The following DNAH8 variants were observed in gnomAD, a reference collection of about 807,000 sequenced individuals.
DNAH8 encodes the protein dynein axonemal heavy chain 8, also known as axonemal beta dynein heavy chain 8.
A neutral mutation model predicts 562.1 loss-of-function variants in DNAH8; 382 were observed. That is an observed-to-expected ratio of 0.68 (90% CI 0.63 to 0.74). The LOEUF (loss-of-function observed/expected upper bound fraction) is 0.74, where lower values mean the gene tolerates loss of function less well. Ranked by LOEUF, DNAH8 falls within the 30% of genes least tolerant of loss-of-function variation. The pLI, the probability that DNAH8 is intolerant of heterozygous loss-of-function variation, is 0.00. For synonymous variants in DNAH8, 1,881 were observed against 1,919.4 expected (o/e 0.98, Z 0.52); for missense variants, 5,203 against 5,620.4 (o/e 0.93, Z 2.37).
At chr6:38,847,521 T>C (rs573129780) in intron 36 of DNAH8, among the ~76,000 whole-genome samples, 6 of 152,098 alleles carry the variant, frequency 3.9e-5, no homozygotes, top group Non-Finnish European at 8.8e-5. Context: ...ACAACTGGAT[T>C]ACCTACCTCC....
rs188491502 is a variant in DNAH8 at position 38,824,566 on chromosome 6, A to G, written c.3847+878A>G. 2.0e-5 allele frequency among the ~76,000 whole-genome samples: 3 copies of G among 152,286 alleles called. 1 individual carries two copies. Among genetic ancestry groups the G allele is most frequent in the Admixed American group, 6.5e-5 (1 of 15,294 alleles). On this transcript the variant is annotated intron_variant, in intron 28 of 92. Transcript: ENST00000327475. Reference sequence around the variant, plus strand: ...GTTTGTGGAAAGATTTTATTCTCAGACAATATTTGAATGAGGTATTTTACA... The same window carrying G: ...GTTTGTGGAAAGATTTTATTCTCAGGCAATATTTGAATGAGGTATTTTACA...
chr6:38,750,411 G>C, intron 8 of DNAH8, 65 bp from the exon 9 acceptor site: 1 of 1,032,592 alleles, frequency 9.7e-7, no homozygotes, highest in South Asian at 1.6e-5. Context: ...TGAATTTCCC[G>C]AGTAAACTTT....
chr6:38,910,231 A>G (rs908939386), intron 65 of DNAH8, among the ~76,000 whole-genome samples: 8 of 152,210 alleles, frequency 5.3e-5, no homozygotes, highest in African/African-American at 1.9e-4. Context: ...TCAATTGACT[A>G]TGGGAAAACC....
At position 38,849,827 on chromosome 6, in the gene DNAH8, T is replaced by C. The variant is rs185243683; in HGVS notation, c.5200-424T>C. 7.9e-3 allele frequency among the ~76,000 whole-genome samples: 1,200 copies of C among 152,214 alleles called. 20 individuals carry two copies. Among genetic ancestry groups the C allele is most frequent in the African/African-American group, 0.027 (1,117 of 41,548 alleles). On this transcript the variant is annotated intron_variant, in intron 37 of 92. Transcript: ENST00000327475. ...GGCTTTACTGTCTTTTTTCTTTTTT[T>C]CCCCGCCTTGGGGTACTATTGAGCT... is the stretch of plus-strand genomic sequence containing the variant.
rs1445624985 is a variant in DNAH8, at chr6:38,853,293, A to G, written c.5679A>G (p.Gln1893=). The change falls in exon 41 of 93, where the codon CAA becomes CAG. Residue 1893 remains glutamine (Q), a synonymous_variant. Coordinates refer to ENST00000327475, the MANE Select transcript of DNAH8 (RefSeq NM_001206927.2). Reference sequence around the variant, plus strand: ...ATATAATTAGATCCGCTTTCTATCAAATCAGTGATTCAGGATTTCAACTCT... The same window carrying G: ...ATATAATTAGATCCGCTTTCTATCAGATCAGTGATTCAGGATTTCAACTCT... ...LHNIIRSAFY[Q]ISDSGFQLLP... 1 of 1,613,514 alleles carries G rather than the reference A, an allele frequency of 6.2e-7. No homozygotes were observed. Among genetic ancestry groups the G allele is most frequent in the Non-Finnish European group, 8.5e-7 (1 of 1,179,770 alleles).
At chr6:38,841,806 C>G (rs1774823828) in intron 33 of DNAH8, among the ~76,000 whole-genome samples, 1 of 151,952 alleles carries the variant, frequency 6.6e-6, no homozygotes, top group African/African-American at 2.4e-5. Context: ...CATCCTTGAA[C>G]TCCTGGGCTC....
intron 66 of DNAH8, among the ~76,000 whole-genome samples, chr6:38,912,787 A>G (rs907486680): frequency 6.6e-6 from 1 of 151,574 alleles, no homozygotes; most frequent in African/African-American, 2.4e-5. Context: ...GCTCAAACTC[A>G]TCCCTTCTTA....
chr6:38,917,803 A>G (rs577093719), intron 69 of DNAH8, 122 bp from the exon 70 acceptor site: 5 of 718,808 alleles, frequency 7.0e-6, no homozygotes, highest in Non-Finnish European at 8.8e-6. Context: ...AATAGTCTCA[A>G]TTTGTGTATT....
Position 38,842,717 on chromosome 6 carries a change from A to C in DNAH8, c.4659A>C (p.Lys1553Asn). The change falls in exon 35 of 93, where the codon AAA becomes AAC. Residue 1553 changes from lysine to asparagine, a missense_variant. Physicochemically the swap from Lys to Asn is moderately conservative, Grantham distance 94. Around this residue, in one of 6 missense-constraint regions of DNAH8, gnomAD observed 2,176 missense variants for 2,365.1 expected, o/e 0.92. Transcript: ENST00000327475. ...LKDWQAFLDL[K>N]KRIDDFSESC... ...ATTGGCAAGCTTTTTTGGATCTCAA[A>C]AAGAGAATTGATGATTTCAGTGAGT... 1 of 1,613,928 alleles carries C rather than the reference A, an allele frequency of 6.2e-7. No individual in the cohort carries two copies. The highest frequency in any genetic ancestry group is 1.1e-5 in the South Asian group (1 of 91,038).
At chr6:38,838,962 C>A (rs1011017327) in intron 33 of DNAH8, among the ~76,000 whole-genome samples, 2 of 152,132 alleles carry the variant, frequency 1.3e-5, no homozygotes, top group African/African-American at 4.8e-5. Context: ...AAAGCCACAA[C>A]GTGAAAATTT....
chr6:38,794,774 T>C (rs979475614), intron 21 of DNAH8, among the ~76,000 whole-genome samples: 7 of 152,238 alleles, frequency 4.6e-5, no homozygotes, highest in African/African-American at 1.7e-4. Flanking sequence ...TAGTATTACA[T>C]AATACGGATT....
chr6:38,998,100 C>T (rs1026715110), intron 88 of DNAH8, among the ~76,000 whole-genome samples: 3 of 152,094 alleles, frequency 2.0e-5, no homozygotes, highest in East Asian at 1.9e-4. Flanking sequence ...ATGGAGAACT[C>T]GATGCCCCCT....
chr6:39,012,624 C>G lies in DNAH8; in HGVS notation c.13701C>G (p.Phe4567Leu), dbSNP rs1404091935. The G allele has an allele frequency of 1.9e-6, 3 of 1,613,370 alleles. No individual in the cohort carries two copies. In the African/African-American group the frequency reaches 4.0e-5, roughly 22 times the overall value. ...CTAATGTGTTTTGGATGACTGGTTT[C>G]TTTAATCCCCAAGGTATGTGCTCAT... ...GRPNVFWMTG[F>L]FNPQGFLTAM... The change falls in exon 91 of 93, where the codon TTC becomes TTG. Residue 4567 changes from phenylalanine (F) to leucine (L), a missense_variant. Around this residue, in one of 6 missense-constraint regions of DNAH8, gnomAD observed 1,399 missense variants for 1,518.4 expected, o/e 0.92. Transcript: ENST00000327475.
chr6:38,941,546 AGGCAGTGTGGT>A (rs1479088954), intron 79 of DNAH8, among the ~76,000 whole-genome samples: 1 of 152,176 alleles, frequency 6.6e-6, no homozygotes, highest in Non-Finnish European at 1.5e-5. Context: ...TGGTTTTTTA[AGGCAGTGTGGT>A]GTGGTACAAT....
At chr6:38,747,016 TCTTTATA>T (rs1016741712) in intron 8 of DNAH8, among the ~76,000 whole-genome samples, 7 of 152,180 alleles carry the variant, frequency 4.6e-5, no homozygotes, top group Non-Finnish European at 7.3e-5. Context: ...GGGTTTTATT[TCTTTATA>T]CTTTATTCTT....
At chr6:38,734,163 T>C (rs1043628326) in intron 4 of DNAH8, among the ~76,000 whole-genome samples, 1 of 151,562 alleles carries the variant, frequency 6.6e-6, no homozygotes, top group African/African-American at 2.4e-5. Context: ...GGCACACGCA[T>C]GTAGTCCCAG....
chr6:38,990,915 A>G (rs1764742034), intron 88 of DNAH8, among the ~76,000 whole-genome samples: 1 of 152,254 alleles, frequency 6.6e-6, no homozygotes. Context: ...CCCCCTGATG[A>G]AAAGTCACAA....
chr6:38,895,235 A>G (rs929000152), intron 59 of DNAH8, among the ~76,000 whole-genome samples: 10 of 152,088 alleles, frequency 6.6e-5, no homozygotes, highest in South Asian at 6.2e-4. Context: ...CACCCTGCCC[A>G]GCCGGTTACT....
In DNAH8 at chr6:38,756,013, C is replaced by T. The variant is rs1765872509; in HGVS notation, c.1449C>T (p.Ile483=). 6.2e-7 allele frequency: 1 copy of T among 1,610,792 alleles called. No individual in the cohort carries two copies. Residue 483 remains isoleucine, a synonymous_variant, in exon 10 of 93, where the codon ATC becomes ATT. Coordinates refer to ENST00000327475, the MANE Select transcript of DNAH8 (RefSeq NM_001206927.2). ...GAATACAAAATTTGATTAATGCCATCAGAATGATTCACGGTGTGTCAAGGT... is the reference window on the plus strand; with the variant it reads ...GAATACAAAATTTGATTAATGCCATTAGAATGATTCACGGTGTGTCAAGGT... ...AHGIQNLINA[I]RMIHGVSRYY...
Sources: allele counts gnomAD v4.1 joint callset (sites outside exome capture counted in the v4.1 genomes callset), GRCh38; gene constraint gnomAD v4.1.1; regional missense constraint gnomAD v4.1.1; transcripts MANE v1.5; gene names NCBI Gene and HGNC (gene_info 2026-07-23, HGNC 2026-07-21).